The following MOK variants were observed in gnomAD, a reference collection of about 807,000 sequenced individuals.
The protein encoded by MOK is MOK protein kinase, also known as MAPK/MAK/MRK overlapping kinase.
A neutral mutation model predicts 54.2 loss-of-function variants in MOK; 59 were observed. That is an observed-to-expected ratio of 1.09 (90% CI 0.88 to 1.35). The LOEUF (loss-of-function observed/expected upper bound fraction) is 1.35, where lower values mean the gene tolerates loss of function less well. MOK is among the 40% of genes most tolerant of loss of function. MOK has a pLI of 0.00. For missense variants in MOK, 517 were observed against 526.2 expected, an observed-to-expected ratio of 0.98 and a Z score of 0.17; for synonymous variants, 210 against 202.7, an observed-to-expected ratio of 1.04 and a Z score of -0.31.
At chr14:102,293,350 A>G (rs1470935340) in intron 1 of MOK, among the ~76,000 whole-genome samples, 2 of 152,204 alleles carry the variant, frequency 1.3e-5, no homozygotes, top group Non-Finnish European at 2.9e-5. Flanking sequence ...CCATAATTTC[A>G]TGTTAAGTGA....
intron 2 of MOK, among the ~76,000 whole-genome samples, chr14:102,279,574 G>C (rs1178878732): frequency 6.6e-6 from 1 of 152,076 alleles, no homozygotes. Flanking sequence ...CCAAAGTGCT[G>C]GGATTATAGG....
chr14:102,215,277 G>A, the MOK span, among the ~76,000 whole-genome samples: 5 of 152,140 alleles, frequency 3.3e-5, no homozygotes, highest in African/African-American at 9.7e-5. Context: ...TTGGCGTTTC[G>A]GCTGAGCTGT....
At chr14:102,304,093 C>G (rs547136561) in intron 1 of MOK, among the ~76,000 whole-genome samples, 3 of 152,216 alleles carry the variant, frequency 2.0e-5, no homozygotes, top group African/African-American at 7.2e-5. Context: ...ATAAAAATGC[C>G]TTGTAAAGGG....
intron 1 of MOK, among the ~76,000 whole-genome samples, chr14:102,293,620 C>T (rs2071018803): frequency 6.8e-6 from 1 of 146,352 alleles, no homozygotes; most frequent in Non-Finnish European, 1.5e-5. Context: ...ATCACTTGAA[C>T]CCAGGAGGCG....
chr14:102,261,418 AATATATATATATATATATATAT>A (rs1197835093), intron 4 of MOK, among the ~76,000 whole-genome samples: 1,082 of 42,818 alleles, frequency 0.025, 52 homozygotes, highest in Middle Eastern at 0.036. Context: ...AAAAAAAAAA[AATATATATATATATATATATAT>A]ATATATATAT....
intron 10 of MOK, chr14:102,229,888 A>G (rs2064512298): frequency 1.8e-6 from 1 of 548,660 alleles, no homozygotes; most frequent in Non-Finnish European, 3.2e-6. Flanking sequence ...GCCGACTGCA[A>G]GCTGAGCAGT....
chr14:102,262,256 C>G (rs2067538973), intron 4 of MOK, among the ~76,000 whole-genome samples: 1 of 152,192 alleles, frequency 6.6e-6, no homozygotes, highest in Non-Finnish European at 1.5e-5. Flanking sequence ...ATCGATTTTC[C>G]TGCCTCAGCT....
At position 102,245,120 on chromosome 14, in the gene MOK, T is replaced by C. The variant is rs952793600; in HGVS notation, c.590+5692A>G. The stretch of plus-strand genomic sequence containing the variant: ...TCTTATTTGGACCTTGTGTCTTCCG[T>C]TTAGCTCTCAATTCATAAAAAAACA... On this transcript the variant is annotated intron_variant, in intron 7 of 11. Transcript: ENST00000361847. This position sits in a 1 kb window ranked among gnomAD's most constrained non-coding sequence, Gnocchi z 4.3. Among the ~76,000 whole-genome samples, 7 of 152,032 alleles carry C rather than the reference T, an allele frequency of 4.6e-5. No individual in the cohort carries two copies. Among genetic ancestry groups the C allele is most frequent in the African/African-American group, 1.7e-4 (7 of 41,390 alleles).
intron 1 of MOK, among the ~76,000 whole-genome samples, chr14:102,301,458 G>A (rs2072190649): frequency 6.6e-6 from 1 of 151,892 alleles, no homozygotes; most frequent in East Asian, 1.9e-4. Context: ...CTAAACACAG[G>A]GCATCACCTA....
downstream of MOK, chr14:102,226,431 T>G (rs1475733886): frequency 1.4e-6 from 1 of 702,946 alleles, no homozygotes; most frequent in South Asian, 1.5e-5. This position sits in a 1 kb window ranked among gnomAD's most constrained non-coding sequence, Gnocchi z 4.8. Context: ...TTCAAGCGCT[T>G]CAATTGCATT....
Position 102,250,885 on chromosome 14 carries a change from G to C in MOK, c.517C>G (p.Leu173Val). ...STRWYRAPEC[L>V]LTDGFYTYKM... ...TACGTGTAGAACCCATCAGTGAGGA[G>C]ACACTCCGGGGCCCGGTACCAGCGG... The change falls in exon 7 of 12, where the codon CTC becomes GTC. Residue 173 changes from leucine to valine, a missense_variant. Coordinates refer to ENST00000361847, the MANE Select transcript of MOK (RefSeq NM_014226.3). 4 of 1,614,120 alleles carry C rather than the reference G, an allele frequency of 2.5e-6. No homozygotes were observed. The South Asian group carries it at 3.3e-5, about 13-fold the overall frequency.
At chr14:102,265,970 G>C (rs1472891211) in intron 2 of MOK, 58 bp from the exon 3 acceptor site, 3 of 1,216,348 alleles carry the variant, frequency 2.5e-6, no homozygotes, top group Non-Finnish European at 3.6e-6. Flanking sequence ...TTCAAAATTA[G>C]AGTTACTTAT....
the MOK span, chr14:102,214,939 T>C: frequency 1.0e-6 from 1 of 985,410 alleles, no homozygotes; most frequent in Non-Finnish European, 1.2e-6. Flanking sequence ...TACTTGATAT[T>C]CTGAAGTACT....
chr14:102,246,135 G>A lies in MOK; in HGVS notation c.590+4677C>T, dbSNP rs139169110. On this transcript the variant is annotated intron_variant, in intron 7 of 11. Transcript: ENST00000361847. ...GCCAAAAGTCTCCCTCACTTTAGCC[G>A]TCTGCCTAATCGTTACCCTTACAGC... 1.1e-4 allele frequency: 17 copies of A among 151,958 alleles called. No homozygotes were observed. The East Asian group carries it at 1.2e-3, about 10-fold the overall frequency. The allele number at this position is 151,958 out of a possible 1,614,324, so 9.4% of individuals were successfully genotyped here.
At chr14:102,233,883 G>T in intron 7 of MOK, 94 bp from the exon 8 acceptor site, 1 of 887,244 alleles carries the variant, frequency 1.1e-6, no homozygotes, top group Non-Finnish European at 1.8e-6. Flanking sequence ...AGGGGAGATC[G>T]TGGGAAGCAT....
chr14:102,258,280 G>A (rs904878340), intron 4 of MOK, among the ~76,000 whole-genome samples: 5 of 151,964 alleles, frequency 3.3e-5, no homozygotes, highest in African/African-American at 4.8e-5. Flanking sequence ...TGCCTACTCC[G>A]TTTCCTGCAA....
intron 7 of MOK, chr14:102,237,958 C>A (rs2065370440): frequency 6.6e-6 from 1 of 152,282 alleles, no homozygotes; most frequent in Non-Finnish European, 1.5e-5. Flanking sequence ...TTACTCCATG[C>A]CCTCTATCAA....
chr14:102,246,716 T>TA (rs148387520), intron 7 of MOK, among the ~76,000 whole-genome samples: 7,215 of 152,146 alleles, frequency 0.047, 552 homozygotes, highest in African/African-American at 0.16. Context: ...GTCCAGGTGT[T>TA]ACAACCTTAC....
intron 1 of MOK, among the ~76,000 whole-genome samples, chr14:102,296,686 G>A (rs1169165537): frequency 6.6e-6 from 1 of 152,116 alleles, no homozygotes; most frequent in Non-Finnish European, 1.5e-5. Context: ...TTGGGAGGCC[G>A]AGACAGGAGG....
Sources: allele counts gnomAD v4.1 joint callset (sites outside exome capture counted in the v4.1 genomes callset), GRCh38; gene constraint gnomAD v4.1.1; non-coding constraint Gnocchi (gnomAD v3.1); transcripts MANE v1.5; gene names NCBI Gene and HGNC (gene_info 2026-07-23, HGNC 2026-07-21).